The following SSX2IP variants were observed in gnomAD, a reference collection of about 807,000 sequenced individuals.
SSX2IP encodes the protein afadin- and alpha-actinin-binding protein.
A neutral mutation model predicts 84.9 loss-of-function variants in SSX2IP; 55 were observed. That is an observed-to-expected ratio of 0.65 (90% CI 0.52 to 0.81). SSX2IP has a LOEUF of 0.81. Among genes scored for constraint, SSX2IP ranks in the 30% least tolerant of loss-of-function variants. The pLI is 0.00. For missense variants in SSX2IP, 664 were observed against 705.2 expected, an observed-to-expected ratio of 0.94 and a Z score of 0.66; for synonymous variants, 239 against 234.7, an observed-to-expected ratio of 1.02 and a Z score of -0.17.
chr1:84,664,325 T>C, intron 6 of SSX2IP, 92 bp downstream of exon 6: 2 of 1,228,710 alleles, frequency 1.6e-6, no homozygotes, highest in Non-Finnish European at 2.1e-6. Context: ...AAATAACATT[T>C]CGTGAGTTAC....
chr1:84,650,686 T>C (rs1650098016), intron 12 of SSX2IP, among the ~76,000 whole-genome samples, 159 bp from the exon 13 acceptor site: 1 of 145,644 alleles, frequency 6.9e-6, no homozygotes, highest in Non-Finnish European at 1.5e-5. Flanking sequence ...CTTTGTTGCA[T>C]AGTCCACCCA....
intron 4 of SSX2IP, among the ~76,000 whole-genome samples, chr1:84,666,899 G>A (rs1652844672): frequency 6.6e-6 from 1 of 152,092 alleles, no homozygotes; most frequent in African/African-American, 2.4e-5. Flanking sequence ...TTTTAAAATT[G>A]TACTAATATT....
At chr1:84,650,563 T>A in intron 12 of SSX2IP, 36 bp from the exon 13 acceptor site, 1 of 1,609,398 alleles carries the variant, frequency 6.2e-7, no homozygotes, top group East Asian at 2.2e-5. Flanking sequence ...AGGCAGTACA[T>A]ATGGTGAGGC....
chr1:84,667,676 C>T (rs1028386662), intron 4 of SSX2IP, among the ~76,000 whole-genome samples: 1 of 152,090 alleles, frequency 6.6e-6, no homozygotes, highest in African/African-American at 2.4e-5. Context: ...ACATACCCAT[C>T]GCAGCCCCAA....
In SSX2IP at chr1:84,651,998, C is replaced by CT. The variant is rs1445448914; in HGVS notation, c.1390-2dup. ...CTCTTTCTTCTTCAAATGCCTTTCT[C>CT]TACCATAAACAGCCAAAGAAATAAT... is the stretch of plus-strand genomic sequence containing the variant. On this transcript the variant is annotated splice_acceptor_variant, in intron 11 of 13. Transcript: ENST00000342203. LOFTEE classifies it high-confidence loss of function. The CT allele has an allele frequency of 2.5e-6, 4 of 1,603,530 alleles. No homozygotes were observed. The highest frequency in any genetic ancestry group is 3.4e-6 in the Non-Finnish European group (4 of 1,170,984).
At chr1:84,659,678 C>A (rs1025455488) in intron 8 of SSX2IP, among the ~76,000 whole-genome samples, 5 of 151,216 alleles carry the variant, frequency 3.3e-5, no homozygotes, top group African/African-American at 9.7e-5. Flanking sequence ...CATGCCTGTA[C>A]TTCCAGCTAC....
intron 1 of SSX2IP, among the ~76,000 whole-genome samples, chr1:84,675,298 C>T (rs539084021): frequency 1.0e-3 from 158 of 152,236 alleles, no homozygotes; most frequent in Non-Finnish European, 1.6e-3. Flanking sequence ...AGCACTGTTA[C>T]CATAGTTACC....
chr1:84,675,573 A>C (rs892524307), intron 1 of SSX2IP, among the ~76,000 whole-genome samples: 2 of 152,190 alleles, frequency 1.3e-5, no homozygotes, highest in Non-Finnish European at 2.9e-5. Flanking sequence ...TTTTACCCTA[A>C]AACAGTTCTG....
In SSX2IP at chr1:84,654,491, T is replaced by TA. The variant is rs955856422; in HGVS notation, c.1389+1340dup. On this transcript the variant is annotated intron_variant, in intron 11 of 13. Transcript: ENST00000342203. Reference sequence around the variant, plus strand: ...ATGTTTACAGCTCATGCACTATTTATAAAAAAAAAATTACTCAAGAATTAG... The same window carrying TA: ...ATGTTTACAGCTCATGCACTATTTATAAAAAAAAAAATTACTCAAGAATTAG... 4.0e-4 allele frequency among the ~76,000 whole-genome samples: 60 copies of TA among 148,972 alleles called. 1 individual carries two copies. The highest frequency in any genetic ancestry group is 2.3e-3 in the South Asian group (11 of 4,732).
chr1:84,669,640 T>C (rs747139217), intron 4 of SSX2IP, 41 bp downstream of exon 4: 2 of 1,477,302 alleles, frequency 1.4e-6, no homozygotes, highest in Non-Finnish European at 1.9e-6. Context: ...AGTACTCAAT[T>C]ATATAATTAT....
At chr1:84,662,649 G>T in intron 6 of SSX2IP, 119 bp from the exon 7 acceptor site, 2 of 1,015,776 alleles carry the variant, frequency 2.0e-6, no homozygotes, top group East Asian at 2.7e-5. Context: ...TAGGATTTGG[G>T]CTTAAACAGC....
intron 1 of SSX2IP, among the ~76,000 whole-genome samples, chr1:84,681,865 G>A (rs1655126336): frequency 1.3e-5 from 2 of 152,168 alleles, no homozygotes; most frequent in Non-Finnish European, 2.9e-5. Context: ...CCATCAGGAA[G>A]ACAGGGAACA....
intron 8 of SSX2IP, among the ~76,000 whole-genome samples, chr1:84,660,678 T>C (rs1364654673): frequency 6.6e-6 from 1 of 151,690 alleles, no homozygotes; most frequent in Non-Finnish European, 1.5e-5. Flanking sequence ...GGCAGGAGAA[T>C]TGCTTGAACC....
At chr1:84,656,686 T>C (rs1557478238) in intron 9 of SSX2IP, among the ~76,000 whole-genome samples, 2 of 152,144 alleles carry the variant, frequency 1.3e-5, no homozygotes, top group African/African-American at 4.8e-5. Context: ...TTTAACATTA[T>C]AAAAAATGTT....
intron 11 of SSX2IP, among the ~76,000 whole-genome samples, chr1:84,654,671 G>A (rs1650812138): frequency 6.6e-6 from 1 of 151,960 alleles, no homozygotes; most frequent in Admixed American, 6.6e-5. Flanking sequence ...TATCTCTCTG[G>A]GTGGCAAAGT....
chr1:84,688,190 A>G (rs1299760973), intron 1 of SSX2IP, among the ~76,000 whole-genome samples: 2 of 152,320 alleles, frequency 1.3e-5, no homozygotes, highest in East Asian at 3.9e-4. Flanking sequence ...CAATTCTAGG[A>G]TGTTTTTCAT....
At chr1:84,671,370 C>T in intron 1 of SSX2IP, 62 bp from the exon 2 acceptor site, 2 of 1,349,994 alleles carry the variant, frequency 1.5e-6, no homozygotes, top group South Asian at 3.7e-5. Context: ...AATATAAACC[C>T]AATGCTTAAG....
At position 84,680,919 on chromosome 1, in the gene SSX2IP, G is replaced by A. The variant is rs142975359; in HGVS notation, c.-90+9452C>T. On this transcript the variant is annotated intron_variant, in intron 1 of 13. Coordinates refer to ENST00000342203, the MANE Select transcript of SSX2IP (RefSeq NM_001166293.2). ...TATGTTTTTAAAAGGCAATTATGGT[G>A]ATGATAAGCACAGGAAATGGGGATA... Among the ~76,000 whole-genome samples, 285 of 152,254 alleles carry A rather than the reference G, an allele frequency of 1.9e-3. 2 individuals carry two copies. Among genetic ancestry groups the A allele is most frequent in the African/African-American group, 6.4e-3 (264 of 41,558 alleles).
intron 6 of SSX2IP, 70 bp downstream of exon 6, chr1:84,664,347 C>G (rs549343421): frequency 7.4e-7 from 1 of 1,356,990 alleles, no homozygotes; most frequent in South Asian, 1.9e-5. Flanking sequence ...GTGTTCAATC[C>G]TTTTACAATT....
Sources: allele counts gnomAD v4.1 joint callset (sites outside exome capture counted in the v4.1 genomes callset), GRCh38; gene constraint gnomAD v4.1.1; transcripts MANE v1.5; gene names NCBI Gene and HGNC (gene_info 2026-07-23, HGNC 2026-07-21).